Variants in ROBO2 observed in about 807,000 individuals in gnomAD.
The protein encoded by ROBO2 is roundabout homolog 2.
A neutral mutation model predicts 160.8 loss-of-function variants in ROBO2; 53 were observed. The ratio of observed to expected loss-of-function variants is 0.33; its 90% CI spans 0.26 to 0.41. ROBO2 has a LOEUF of 0.41. ROBO2 is among the 10% of genes least tolerant of loss of function. The probability of loss-of-function intolerance (pLI) is 1.00; values close to 1 mark genes in which losing one functional copy is unlikely to be tolerated. For missense variants in ROBO2, 1,577 were observed against 1,722.4 expected (o/e 0.92, Z 1.49); for synonymous variants, 664 against 611.7 (o/e 1.09, Z -1.26).
At chr3:76,834,070 CTTT>C (rs1559574900) in intron 2 of ROBO2, among the ~76,000 whole-genome samples, 4 of 95,732 alleles carry the variant, frequency 4.2e-5, no homozygotes, top group Non-Finnish European at 4.3e-5. Flanking sequence ...TCTTTTCTTT[CTTT>C]CTTTCTTTCT....
intron 2 of ROBO2, among the ~76,000 whole-genome samples, chr3:77,389,785 A>G (rs776168105): frequency 2.2e-4 from 34 of 152,032 alleles, no homozygotes; most frequent in Non-Finnish European, 3.4e-4. Flanking sequence ...TTTCAGCAAG[A>G]CCATGACATT....
chr3:77,212,334 G>A (rs2084288585), intron 2 of ROBO2, among the ~76,000 whole-genome samples: 1 of 152,126 alleles, frequency 6.6e-6, no homozygotes, highest in Admixed American at 6.6e-5. Context: ...TCTCTTTGAA[G>A]CAATTGTGAA....
chr3:76,040,423 GC>G (rs1184324809), intron 2 of ROBO2, among the ~76,000 whole-genome samples: 1 of 151,456 alleles, frequency 6.6e-6, no homozygotes, highest in Non-Finnish European at 1.5e-5. Flanking sequence ...TCAAAATCAA[GC>G]AAATAATTAC....
At chr3:76,732,705 GT>G (rs2093654921) in intron 2 of ROBO2, among the ~76,000 whole-genome samples, 1 of 152,210 alleles carries the variant, frequency 6.6e-6, no homozygotes, top group Non-Finnish European at 1.5e-5. Flanking sequence ...AGCGGTCTGA[GT>G]GTGTAATGAT....
chr3:76,201,939 T>C (rs150504623), intron 2 of ROBO2, among the ~76,000 whole-genome samples: 1 of 150,522 alleles, frequency 6.6e-6, no homozygotes, highest in African/African-American at 2.4e-5. Flanking sequence ...TGAATTGTAT[T>C]CTTCAAACCA....
At chr3:77,361,677 T>A (rs9845716) in intron 2 of ROBO2, among the ~76,000 whole-genome samples, 1 of 151,804 alleles carries the variant, frequency 6.6e-6, no homozygotes, top group Non-Finnish European at 1.5e-5. Context: ...GGACACCCAT[T>A]CCATTTATGA....
Position 77,216,245 on chromosome 3 carries a change from CTTTG to C in ROBO2, c.388+117909_388+117912del, listed in dbSNP as rs545267168. Among the ~76,000 whole-genome samples the C allele has an allele frequency of 5.9e-3, 895 of 152,240 alleles. 8 individuals are homozygous for C. Among genetic ancestry groups the C allele is most frequent in the Non-Finnish European group, 6.9e-3 (468 of 68,016 alleles). ...CCACGCAGTTCGAACTTCCTGGCCG[CTTTG>C]TTTACCTACTCAAGCCTCGGCAATG... On this transcript the variant is annotated intron_variant, in intron 2 of 25. Transcript: ENST00000461745.
At chr3:76,011,855 A>G (rs1279066438) in intron 2 of ROBO2, among the ~76,000 whole-genome samples, 1 of 152,100 alleles carries the variant, frequency 6.6e-6, no homozygotes, top group Non-Finnish European at 1.5e-5. Context: ...GTGTATATGT[A>G]GACATTGTGC....
intron 20 of ROBO2, 58 bp from the exon 22 acceptor site, chr3:77,607,740 A>C (rs1177077676): frequency 6.8e-7 from 1 of 1,475,214 alleles, no homozygotes; most frequent in African/African-American, 1.4e-5. Context: ...TTGCCATCTG[A>C]TGTATTCTCT....
chr3:77,559,434 T>C (rs987044434), intron 9 of ROBO2, among the ~76,000 whole-genome samples: 1 of 152,042 alleles, frequency 6.6e-6, no homozygotes, highest in African/African-American at 2.4e-5. Context: ...ATTTTAGTAA[T>C]CACAAGATTG....
intron 2 of ROBO2, among the ~76,000 whole-genome samples, chr3:77,118,745 G>T (rs6772804): frequency 0.25 from 38,125 of 152,110 alleles, 5,753 homozygotes; most frequent in Middle Eastern, 0.35. Flanking sequence ...TAACAACAGG[G>T]ATATGTTTTA....
intron 6 of ROBO2, among the ~76,000 whole-genome samples, chr3:77,541,207 C>T (rs2092447004): frequency 1.3e-5 from 2 of 152,178 alleles, no homozygotes; most frequent in African/African-American, 4.8e-5. Flanking sequence ...TGACTCTCTC[C>T]ATGCTAATGC....
At chr3:76,322,434 TA>T (rs1368391453) in intron 2 of ROBO2, among the ~76,000 whole-genome samples, 1 of 151,922 alleles carries the variant, frequency 6.6e-6, no homozygotes, top group Non-Finnish European at 1.5e-5. Context: ...ATATATGTTC[TA>T]AAAAGAGTTC....
intron 6 of ROBO2, among the ~76,000 whole-genome samples, chr3:77,542,082 G>A (rs2092488919): frequency 6.6e-6 from 1 of 152,132 alleles, no homozygotes; most frequent in Non-Finnish European, 1.5e-5. Context: ...GCCAAATACT[G>A]TCTTTTCAGA....
chr3:77,643,666 A>G (rs182930450), intron 24 of ROBO2, among the ~76,000 whole-genome samples: 72 of 152,300 alleles, frequency 4.7e-4, no homozygotes, highest in Admixed American at 1.2e-3. Context: ...AAACACACAC[A>G]TACACATACA....
intron 2 of ROBO2, among the ~76,000 whole-genome samples, chr3:76,926,563 A>G (rs149840444): frequency 1.3e-5 from 2 of 152,312 alleles, no homozygotes; most frequent in East Asian, 3.9e-4. Context: ...TCTTATATCC[A>G]TGAGCAATTC....
chr3:76,146,121 A>G (rs950174785), intron 2 of ROBO2, among the ~76,000 whole-genome samples: 1 of 151,902 alleles, frequency 6.6e-6, no homozygotes, highest in Non-Finnish European at 1.5e-5. Flanking sequence ...CCTGCATCTG[A>G]CTTGTTGGCA....
chr3:76,599,891 ATTTT>A (rs943706031), intron 2 of ROBO2, among the ~76,000 whole-genome samples: 1 of 151,578 alleles, frequency 6.6e-6, no homozygotes, highest in African/African-American at 2.4e-5. Context: ...TTTTTAATGG[ATTTT>A]TTTGTTTTTT....
chr3:76,889,494 G>A lies in ROBO2; in HGVS notation c.110-208520G>A, dbSNP rs140324510. ...AGAACATGCTGATAAACATGGTAAAGACTTCTAATATTTAAAAGTTAGTAT... is the reference window on the plus strand; with the variant it reads ...AGAACATGCTGATAAACATGGTAAAAACTTCTAATATTTAAAAGTTAGTAT... On this transcript the variant is annotated intron_variant, in intron 2 of 26. Transcript: ENST00000487694. 4.3e-3 allele frequency among the ~76,000 whole-genome samples: 658 copies of A among 152,190 alleles called. 4 individuals are homozygous for A. Among genetic ancestry groups the A allele is most frequent in the African/African-American group, 0.014 (585 of 41,510 alleles).
Sources: gnomAD v4.1 joint callset for allele counts (sites outside exome capture counted in the v4.1 genomes callset) on GRCh38, gnomAD v4.1.1 for gene constraint, MANE v1.5 for transcripts, NCBI Gene and HGNC (gene_info 2026-07-23, HGNC 2026-07-21) for gene names.